Variants in DLG2 observed in about 807,000 individuals in gnomAD.
DLG2 encodes the protein disks large homolog 2.
In DLG2, 45 loss-of-function variants were observed where a neutral mutation model predicts 132.5. That is an observed-to-expected ratio of 0.34 (90% CI 0.27 to 0.44). The LOEUF (loss-of-function observed/expected upper bound fraction) is 0.44. Among genes scored for constraint, DLG2 ranks in the 20% least tolerant of loss-of-function variants. DLG2 has a pLI of 1.00. For synonymous variants in DLG2, 424 were observed against 419.6 expected, an observed-to-expected ratio of 1.01 and a Z score of -0.13; for missense variants, 1,045 against 1,196.9, an observed-to-expected ratio of 0.87 and a Z score of 1.87.
At chr11:84,576,146 AT>A (rs1197420229) in intron 6 of DLG2, among the ~76,000 whole-genome samples, 4 of 152,196 alleles carry the variant, frequency 2.6e-5, no homozygotes, top group Non-Finnish European at 5.9e-5. Flanking sequence ...CAATCCTTTA[AT>A]TAACATCATA....
At chr11:84,271,949 C>CAAAAAAAAAAAAA (rs71036417) in intron 7 of DLG2, among the ~76,000 whole-genome samples, 6 of 77,768 alleles carry the variant, frequency 7.7e-5, no homozygotes, top group Admixed American at 3.0e-4. Flanking sequence ...TTGATAATAA[C>CAAAAAAAAAAAAA]AAAAAAAAAA....
chr11:85,027,074 T>C (rs1217828000), intron 6 of DLG2, among the ~76,000 whole-genome samples: 1 of 151,504 alleles, frequency 6.6e-6, no homozygotes, highest in Non-Finnish European at 1.5e-5. Flanking sequence ...ATAATAGGTG[T>C]CAGTCGCTAA....
At chr11:85,152,332 C>T (rs2077310298) in intron 5 of DLG2, among the ~76,000 whole-genome samples, 1 of 151,980 alleles carries the variant, frequency 6.6e-6, no homozygotes, top group African/African-American at 2.4e-5. Context: ...CCTCCACCTC[C>T]CAGGTTCAAG....
At chr11:83,467,673 C>T (rs1366015150) in intron 25 of DLG2, among the ~76,000 whole-genome samples, 1 of 150,382 alleles carries the variant, frequency 6.6e-6, no homozygotes, top group African/African-American at 2.4e-5. Flanking sequence ...TCACTTGAAC[C>T]CAGGAGGTGG....
At chr11:84,741,454 T>A (rs1437500714) in intron 6 of DLG2, among the ~76,000 whole-genome samples, 2 of 151,746 alleles carry the variant, frequency 1.3e-5, no homozygotes, top group Non-Finnish European at 2.9e-5. Flanking sequence ...ACCCTTGATC[T>A]AAGAAACAAC....
chr11:83,765,722 G>C (rs920853913), intron 18 of DLG2, among the ~76,000 whole-genome samples: 1 of 152,198 alleles, frequency 6.6e-6, no homozygotes, highest in Non-Finnish European at 1.5e-5. Flanking sequence ...CTGTGTCTTT[G>C]TTCCTAGTGC....
chr11:83,817,005 T>G (rs1406606652), intron 17 of DLG2, among the ~76,000 whole-genome samples: 1 of 152,202 alleles, frequency 6.6e-6, no homozygotes, highest in Non-Finnish European at 1.5e-5. Flanking sequence ...GCCATGCATT[T>G]ATTTTACTAG....
chr11:85,556,297 C>T (rs2076939261), intron 3 of DLG2, among the ~76,000 whole-genome samples: 1 of 151,856 alleles, frequency 6.6e-6, no homozygotes, highest in Non-Finnish European at 1.5e-5. Context: ...AGTACCCTCC[C>T]TCCTCTGTTA....
Position 84,024,827 on chromosome 11 carries a change from T to G in DLG2, c.919+34488A>C, listed in dbSNP as rs183705881. Among the ~76,000 whole-genome samples, 988 of 151,404 alleles carry G rather than the reference T, an allele frequency of 6.5e-3. 4 individuals are homozygous for G. Among genetic ancestry groups the G allele is most frequent in the African/African-American group, 0.021 (851 of 41,376 alleles). ...AATATATTTTTTCTTTTTTTTTTTTTGGGTTCTATTGCCAAACCCGGTGAA... is the reference window on the plus strand; with the variant it reads ...AATATATTTTTTCTTTTTTTTTTTTGGGGTTCTATTGCCAAACCCGGTGAA... On this transcript the variant is annotated intron_variant, in intron 11 of 27. Coordinates refer to ENST00000376104, the MANE Select transcript of DLG2 (RefSeq NM_001142699.3).
At chr11:83,819,469 C>CAAAAAAAAA (rs398016925) in intron 17 of DLG2, among the ~76,000 whole-genome samples, 11 of 28,090 alleles carry the variant, frequency 3.9e-4, no homozygotes, top group Admixed American at 9.2e-4. Context: ...GACTCTATCT[C>CAAAAAAAAA]AAAAAAAAAA....
intron 7 of DLG2, among the ~76,000 whole-genome samples, chr11:84,291,600 C>T (rs968282909): frequency 2.6e-5 from 4 of 152,092 alleles, no homozygotes; most frequent in Admixed American, 6.5e-5. Flanking sequence ...CCTTTATCTC[C>T]GTTTGATTTA....
intron 21 of DLG2, among the ~76,000 whole-genome samples, chr11:83,502,295 C>T (rs1325019609): frequency 2.0e-5 from 3 of 152,044 alleles, no homozygotes; most frequent in Non-Finnish European, 4.4e-5. Context: ...AGTTTGGCTC[C>T]AGAGTTGCGC....
At chr11:85,040,917 A>C (rs941942870) in intron 6 of DLG2, among the ~76,000 whole-genome samples, 6 of 151,864 alleles carry the variant, frequency 4.0e-5, no homozygotes, top group Non-Finnish European at 8.8e-5. Flanking sequence ...ACTAAGAGAA[A>C]AACGATTTTT....
At chr11:85,038,666 C>G (rs956915722) in intron 6 of DLG2, among the ~76,000 whole-genome samples, 1 of 152,012 alleles carries the variant, frequency 6.6e-6, no homozygotes, top group Non-Finnish European at 1.5e-5. Flanking sequence ...AAATAGTTTT[C>G]TAATACATCA....
chr11:83,829,791 C>T (rs2053941318), intron 17 of DLG2, among the ~76,000 whole-genome samples: 1 of 151,762 alleles, frequency 6.6e-6, no homozygotes. Flanking sequence ...TACATGTGCA[C>T]AACATGCAGG....
intron 6 of DLG2, among the ~76,000 whole-genome samples, chr11:84,764,633 T>A (rs534703849): frequency 6.6e-6 from 1 of 152,144 alleles, no homozygotes. Context: ...TTTAATCAGG[T>A]AAAGAAAGAT....
intron 19 of DLG2, among the ~76,000 whole-genome samples, chr11:83,554,330 T>C (rs767734880): frequency 2.6e-5 from 4 of 152,182 alleles, no homozygotes; most frequent in Non-Finnish European, 4.4e-5. Context: ...TTTGTAAGAC[T>C]TGGGAACACT....
At position 84,373,266 on chromosome 11, in the gene DLG2, AAAAC is replaced by A. The variant is rs1253529961; in HGVS notation, c.520-121979_520-121976del. ...GAAACAGTCAAAAAAAAAAAAAAAC[AAAAC>A]AAAAAAAAAACCCACCAGGCCCGGC... On this transcript the variant is annotated intron_variant, in intron 7 of 27. Transcript: ENST00000376104. Among the ~76,000 whole-genome samples the A allele has an allele frequency of 1.9e-3, 85 of 45,226 alleles. 4 individuals carry two copies. The highest frequency in any genetic ancestry group is 5.4e-3 in the East Asian group (9 of 1,658). 29.7% of individuals were successfully genotyped at this position (45,226 alleles called of 152,430 possible).
chr11:84,859,389 CATAT>C (rs1018179673), intron 6 of DLG2, among the ~76,000 whole-genome samples: 9 of 142,196 alleles, frequency 6.3e-5, no homozygotes, highest in African/African-American at 2.1e-4. Flanking sequence ...TATATGCATA[CATAT>C]ATATGTATAT....
Sources: gnomAD v4.1 joint callset for allele counts (sites outside exome capture counted in the v4.1 genomes callset) on GRCh38, gnomAD v4.1.1 for gene constraint, MANE v1.5 for transcripts, NCBI Gene and HGNC (gene_info 2026-07-23, HGNC 2026-07-21) for gene names.